SH3GLB1: variants seen among roughly 807,000 people sequenced by gnomAD.
SH3GLB1 encodes endophilin-B1.
Under a neutral mutation model 42.0 loss-of-function variants are expected in SH3GLB1, and 17 were observed. That is an observed-to-expected ratio of 0.40 (90% CI 0.28 to 0.61). The LOEUF is 0.61. Ranked by LOEUF, SH3GLB1 falls within the 20% of genes least tolerant of loss-of-function variation. The probability of loss-of-function intolerance (pLI) is 0.36; values close to 1 mark genes in which losing one functional copy is unlikely to be tolerated. For synonymous variants in SH3GLB1, 132 were observed against 146.6 expected, an observed-to-expected ratio of 0.90 and a Z score of 0.72; for missense variants, 355 against 426.3, an observed-to-expected ratio of 0.83 and a Z score of 1.47.
chr1:86,720,046 A>G (rs1654783492), intron 3 of SH3GLB1, among the ~76,000 whole-genome samples: 1 of 151,788 alleles, frequency 6.6e-6, no homozygotes, highest in Non-Finnish European at 1.5e-5. Context: ...TTTAACTTCA[A>G]ATTTATGTTA....
chr1:86,707,766 C>A (rs982627135), intron 1 of SH3GLB1, among the ~76,000 whole-genome samples: 2 of 151,378 alleles, frequency 1.3e-5, no homozygotes, highest in Admixed American at 6.6e-5. Flanking sequence ...CTCCTGCCTC[C>A]GTCTTTCAAG....
intron 5 of SH3GLB1, chr1:86,728,490 G>T: frequency 2.6e-6 from 4 of 1,534,060 alleles, no homozygotes; most frequent in Non-Finnish European, 3.5e-6. Flanking sequence ...ATGGCTGAAG[G>T]TTTGTTGGCC....
At position 86,723,133 on chromosome 1, in the gene SH3GLB1, TTGAA is replaced by T. The variant is rs1309760090; in HGVS notation, c.477+462_477+465del. Among the ~76,000 whole-genome samples, 3 of 152,348 alleles carry T rather than the reference TTGAA, an allele frequency of 2.0e-5. No individual in the cohort carries two copies. In the East Asian group the frequency reaches 5.8e-4, roughly 29 times the overall value. ...CCTATTACAATATATTATAGAAACTTTGAATATGTTCACAATGGATTTGTCTCTG... is the reference window on the plus strand; with the variant it reads ...CCTATTACAATATATTATAGAAACTTTATGTTCACAATGGATTTGTCTCTG... On this transcript the variant is annotated intron_variant, in intron 4 of 8. Coordinates refer to ENST00000370558, the MANE Select transcript of SH3GLB1 (RefSeq NM_016009.5).
At chr1:86,711,533 A>T (rs1000227957) in intron 1 of SH3GLB1, among the ~76,000 whole-genome samples, 3 of 152,098 alleles carry the variant, frequency 2.0e-5, no homozygotes, top group Non-Finnish European at 4.4e-5. Flanking sequence ...TTTGCCTTTT[A>T]TTTTAGGTTG....
intron 7 of SH3GLB1, among the ~76,000 whole-genome samples, chr1:86,737,458 T>C (rs1394917516): frequency 6.6e-6 from 1 of 152,186 alleles, no homozygotes; most frequent in African/African-American, 2.4e-5. Context: ...TAGAGCTTTT[T>C]CTTATCTTCA....
intron 2 of SH3GLB1, among the ~76,000 whole-genome samples, chr1:86,718,409 G>A (rs139987858): frequency 2.0e-4 from 30 of 151,986 alleles, no homozygotes; most frequent in African/African-American, 6.0e-4. Flanking sequence ...AGCTCTTTTT[G>A]GTTTTAACTA....
intron 5 of SH3GLB1, among the ~76,000 whole-genome samples, chr1:86,733,529 T>C (rs971771881): frequency 9.9e-5 from 15 of 151,708 alleles, no homozygotes; most frequent in African/African-American, 3.7e-4. Context: ...TAGTCAAACC[T>C]ATCATTATAA....
rs975306690 is a variant in SH3GLB1, at chr1:86,744,704, AT to A, written c.*1470del. On this transcript the variant is annotated 3_prime_UTR_variant, in exon 9 of 9. Coordinates refer to ENST00000370558, the MANE Select transcript of SH3GLB1 (RefSeq NM_016009.5). ...GATACTTTTTGGTACTTTTAAAAAA[AT>A]GAATACTTAAACACCGTTTTAAAAT... is the stretch of plus-strand genomic sequence containing the variant. The A allele has an allele frequency of 6.6e-6, 1 of 152,254 alleles. No homozygotes were observed. The highest frequency in any genetic ancestry group is 1.5e-5 in the Non-Finnish European group (1 of 68,038). The allele number at this position is 152,254 out of a possible 1,614,324, so 9.4% of individuals were successfully genotyped here.
intron 5 of SH3GLB1, among the ~76,000 whole-genome samples, chr1:86,732,550 C>T (rs976611920): frequency 1.3e-5 from 2 of 152,102 alleles, no homozygotes; most frequent in Non-Finnish European, 2.9e-5. Context: ...TTTGAAGCCA[C>T]CCAATATGCA....
chr1:86,704,862 C>T lies in SH3GLB1; in HGVS notation c.-38C>T. ...CGGCCGCGGCACCTCCGCCTCGCCG[C>T]CGCTAGGTCGGCCGGCTCCGCCCGG... On this transcript the variant is annotated 5_prime_UTR_variant, in exon 1 of 9. Transcript: ENST00000370558. 2.0e-6 allele frequency: 3 copies of T among 1,474,394 alleles called. No individual in the cohort carries two copies. The highest frequency in any genetic ancestry group is 2.7e-6 in the Non-Finnish European group (3 of 1,090,936). 91.3% of individuals were successfully genotyped at this position (1,474,394 alleles called of 1,614,324 possible).
chr1:86,728,677 T>C (rs1466783699), intron 5 of SH3GLB1, among the ~76,000 whole-genome samples: 1 of 152,176 alleles, frequency 6.6e-6, no homozygotes, highest in Admixed American at 6.5e-5. Context: ...GATTGCCAAA[T>C]ATAGTGTTTA....
chr1:86,738,122 A>C (rs1655867901), intron 7 of SH3GLB1, among the ~76,000 whole-genome samples: 1 of 152,202 alleles, frequency 6.6e-6, no homozygotes, highest in African/African-American at 2.4e-5. Context: ...GATCTGTTTC[A>C]AACTTATTGC....
At chr1:86,725,126 A>G (rs921111230) in intron 5 of SH3GLB1, among the ~76,000 whole-genome samples, 3 of 151,140 alleles carry the variant, frequency 2.0e-5, no homozygotes, top group African/African-American at 7.3e-5. Context: ...TAGATTTATT[A>G]TAATTGGAAA....
At chr1:86,705,359 C>G (rs144688525) in intron 1 of SH3GLB1, among the ~76,000 whole-genome samples, 1 of 152,292 alleles carries the variant, frequency 6.6e-6, no homozygotes, top group Non-Finnish European at 1.5e-5. Flanking sequence ...TGCACTACCC[C>G]CCACCCTTTC....
intron 1 of SH3GLB1, among the ~76,000 whole-genome samples, chr1:86,707,030 G>A (rs1653909906): frequency 6.6e-6 from 1 of 152,194 alleles, no homozygotes. Context: ...GTGGACACTG[G>A]TGATACAGCA....
intron 5 of SH3GLB1, 129 bp downstream of exon 5, chr1:86,724,534 A>G (rs1655048850): frequency 1.4e-6 from 1 of 711,978 alleles, no homozygotes; most frequent in Non-Finnish European, 2.3e-6. Context: ...CAAATTTATC[A>G]GAACTTAATA....
At chr1:86,712,966 T>C (rs1654298095) in intron 1 of SH3GLB1, among the ~76,000 whole-genome samples, 1 of 152,104 alleles carries the variant, frequency 6.6e-6, no homozygotes, top group Non-Finnish European at 1.5e-5. Context: ...ACAAAGAAAA[T>C]GTTAAATAAT....
At chr1:86,732,270 T>G (rs947152116) in intron 5 of SH3GLB1, among the ~76,000 whole-genome samples, 2 of 152,142 alleles carry the variant, frequency 1.3e-5, no homozygotes, top group African/African-American at 4.8e-5. Context: ...CAGTTACATT[T>G]TAGAAAAAAC....
At chr1:86,714,719 A>G (rs12730543) in intron 1 of SH3GLB1, among the ~76,000 whole-genome samples, 7,632 of 152,300 alleles carry the variant, frequency 0.05, 250 homozygotes, top group South Asian at 0.078. Context: ...TTTGTCAGCC[A>G]GAAGTGAGTC....
Sources: gnomAD v4.1 joint callset for allele counts (sites outside exome capture counted in the v4.1 genomes callset) on GRCh38, gnomAD v4.1.1 for gene constraint, MANE v1.5 for transcripts, NCBI Gene and HGNC (gene_info 2026-07-23, HGNC 2026-07-21) for gene names.